Variants in SMYD4 observed in about 807,000 individuals in gnomAD.
The protein encoded by SMYD4 is protein-lysine N-methyltransferase SMYD4.
Under a neutral mutation model 72.8 loss-of-function variants are expected in SMYD4, and 68 were observed. The observed-to-expected ratio is 0.93, with a 90% CI of 0.77 to 1.14. The LOEUF is 1.14. Ranked by LOEUF, SMYD4 falls within the 50% of genes most tolerant of loss-of-function variation. The pLI, the probability that SMYD4 is intolerant of heterozygous loss-of-function variation, is 0.00. For synonymous variants in SMYD4, 407 were observed against 388.6 expected, an observed-to-expected ratio of 1.05 and a Z score of -0.56; for missense variants, 984 against 1,003.7, an observed-to-expected ratio of 0.98 and a Z score of 0.27.
Position 1,783,167 on chromosome 17 carries a change from A to G in SMYD4, c.2138-9T>C. On this transcript the variant is annotated splice_polypyrimidine_tract_variant and intron_variant, in intron 9 of 10. Transcript: ENST00000305513. ...TGACTTTTGCCAGTCTCCTGTGAGA[A>G]GAGAAAAATCTTGTTCCAGAAAAGA... 1 of 1,613,976 alleles carries G rather than the reference A, an allele frequency of 6.2e-7. No homozygotes were observed. The highest frequency in any genetic ancestry group is 1.6e-4 in the Middle Eastern group (1 of 6,062).
chr17:1,794,007 GTA>G (rs373859746), intron 5 of SMYD4, among the ~76,000 whole-genome samples: 22 of 81,236 alleles, frequency 2.7e-4, no homozygotes, highest in Non-Finnish European at 3.9e-4. Flanking sequence ...ATATATATAT[GTA>G]TATATATATA....
rs529981115 is a variant in SMYD4, at chr17:1,812,768, C to T, written c.135-653G>A. On this transcript the variant is annotated intron_variant, in intron 2 of 10. Coordinates refer to ENST00000305513, the MANE Select transcript of SMYD4 (RefSeq NM_052928.3). ...TTCACCATGTTAGCCAGGCTGGTCT[C>T]GAACTCCTGACCTCAAATGGTCCAC... Among the ~76,000 whole-genome samples the T allele has an allele frequency of 2.0e-4, 30 of 151,918 alleles. No individual in the cohort carries two copies. The East Asian group carries it at 5.2e-3, about 26-fold the overall frequency.
At chr17:1,796,861 A>G (rs529655154) in intron 5 of SMYD4, among the ~76,000 whole-genome samples, 12 of 152,360 alleles carry the variant, frequency 7.9e-5, no homozygotes, top group Admixed American at 3.3e-4. Context: ...AAAAAATACA[A>G]GTGAATATAC....
chr17:1,800,289 T>G lies in SMYD4; in HGVS notation c.1105A>C (p.Lys369Gln). ...TTGTTACTAATCTTATCACAAAGCT[T>G]CGTTATGATTTTGCGAACATCCTCA... Reference protein sequence around the residue: ...GFEDVRKIITKLCDKISNKDI... With the variant: ...GFEDVRKIITQLCDKISNKDI... The change falls in exon 5 of 11, where the codon AAG becomes CAG. Residue 369 changes from lysine to glutamine, a missense_variant. Physicochemically the swap from Lys to Gln is moderately conservative, Grantham distance 53. Coordinates refer to ENST00000305513, the MANE Select transcript of SMYD4 (RefSeq NM_052928.3). The G allele has an allele frequency of 6.2e-7, 1 of 1,614,156 alleles. No homozygotes were observed. The highest frequency in any genetic ancestry group is 8.5e-7 in the Non-Finnish European group (1 of 1,180,038).
At chr17:1,783,210 A>G in intron 9 of SMYD4, 52 bp from the exon 10 acceptor site, 1 of 1,613,376 alleles carries the variant, frequency 6.2e-7, no homozygotes, top group African/African-American at 1.3e-5. Flanking sequence ...TCAACTGTGG[A>G]TGCATATTTT....
chr17:1,799,452 C>A (rs1909587986), intron 5 of SMYD4, among the ~76,000 whole-genome samples: 1 of 151,390 alleles, frequency 6.6e-6, no homozygotes, highest in African/African-American at 2.4e-5. Context: ...CATTTGCAAC[C>A]TCCACCTCCC....
intron 7 of SMYD4, 110 bp downstream of exon 7, chr17:1,786,700 A>C (rs2151220252): frequency 7.7e-7 from 1 of 1,306,998 alleles, no homozygotes; most frequent in Non-Finnish European, 1.1e-6. Context: ...AGGTGATATT[A>C]CTGGTCTCAG....
chr17:1,802,174 C>A (rs879653723), intron 4 of SMYD4, among the ~76,000 whole-genome samples: 3 of 152,022 alleles, frequency 2.0e-5, no homozygotes, highest in African/African-American at 7.2e-5. Context: ...AGTATGTGCT[C>A]AATAAATGAT....
At chr17:1,813,071 G>A (rs765914057) in intron 2 of SMYD4, among the ~76,000 whole-genome samples, 126 of 152,022 alleles carry the variant, frequency 8.3e-4, no homozygotes, top group African/African-American at 2.6e-3. Context: ...CCCGAGTAGC[G>A]GGGATTACAG....
chr17:1,815,809 C>G (rs1326984634), intron 2 of SMYD4, among the ~76,000 whole-genome samples: 1 of 151,860 alleles, frequency 6.6e-6, no homozygotes, highest in Non-Finnish European at 1.5e-5. Flanking sequence ...AAGCGATTCT[C>G]CTGCCTCAGC....
In SMYD4 at chr17:1,781,429, G is replaced by A. The variant is rs1387009687; in HGVS notation, c.2272C>T (p.Pro758Ser). The A allele has an allele frequency of 1.2e-6, 2 of 1,613,642 alleles. No individual in the cohort carries two copies. Among genetic ancestry groups the A allele is most frequent in the Non-Finnish European group, 1.7e-6 (2 of 1,179,936 alleles). ...AQIFFNGFAV[P>S]EALSTIQKAE... ...TTCTGTATTGTGCTCAGGGCTTCGGGTACTGCAAACCTGAGCCAAGGGAGG... is the reference window on the plus strand; with the variant it reads ...TTCTGTATTGTGCTCAGGGCTTCGGATACTGCAAACCTGAGCCAAGGGAGG... Residue 758 changes from proline (P) to serine (S), a missense_variant, in exon 11 of 11, where the codon CCC becomes TCC. By Grantham distance (74) the Pro-to-Ser change is moderately conservative. Coordinates refer to ENST00000305513, the MANE Select transcript of SMYD4 (RefSeq NM_052928.3).
chr17:1,828,386 C>G (rs1911320139), intron 1 of SMYD4, among the ~76,000 whole-genome samples: 1 of 150,962 alleles, frequency 6.6e-6, no homozygotes, highest in Admixed American at 6.6e-5. Flanking sequence ...AGATTTCATT[C>G]AAGGAAGCCT....
At chr17:1,812,329 C>T (rs759514846) in intron 2 of SMYD4, among the ~76,000 whole-genome samples, 1 of 152,106 alleles carries the variant, frequency 6.6e-6, no homozygotes, top group Admixed American at 6.6e-5. Context: ...CTCTGTCACC[C>T]AGGCTGGAGT....
At chr17:1,815,397 A>G (rs149305654) in intron 2 of SMYD4, among the ~76,000 whole-genome samples, 2,322 of 151,804 alleles carry the variant, frequency 0.015, 43 homozygotes, top group Non-Finnish European at 0.02. Context: ...ATGATGTCTC[A>G]ATACCTTGCC....
chr17:1,803,559 T>G (rs917563490), intron 4 of SMYD4, among the ~76,000 whole-genome samples: 1 of 152,136 alleles, frequency 6.6e-6, no homozygotes, highest in Non-Finnish European at 1.5e-5. Flanking sequence ...TGGCACGATC[T>G]CAGCTCACTG....
At chr17:1,788,222 C>T (rs1052739573) in intron 5 of SMYD4, among the ~76,000 whole-genome samples, 5 of 152,052 alleles carry the variant, frequency 3.3e-5, no homozygotes, top group Admixed American at 2.0e-4. Context: ...TGTGGTGGTG[C>T]ACACCTGTAG....
chr17:1,820,300 T>A (rs570916030), intron 2 of SMYD4, among the ~76,000 whole-genome samples: 14 of 151,900 alleles, frequency 9.2e-5, no homozygotes, highest in Non-Finnish European at 1.9e-4. Flanking sequence ...AGGACAGTGG[T>A]ACCATCATAG....
chr17:1,820,489 C>T (rs1308829193), intron 2 of SMYD4, among the ~76,000 whole-genome samples: 1 of 152,206 alleles, frequency 6.6e-6, no homozygotes, highest in African/African-American at 2.4e-5. Flanking sequence ...ATCCTCTTGC[C>T]TAAGCCTCCC....
At chr17:1,804,592 C>T (rs758209682) in intron 4 of SMYD4, 34 bp downstream of exon 4, 1 of 1,593,742 alleles carries the variant, frequency 6.3e-7, no homozygotes, top group Non-Finnish European at 8.6e-7. Context: ...CCCTCCGGAT[C>T]CTGTCCTCTC....
Sources: gnomAD v4.1 joint callset for allele counts (sites outside exome capture counted in the v4.1 genomes callset) on GRCh38, gnomAD v4.1.1 for gene constraint, MANE v1.5 for transcripts, NCBI Gene and HGNC (gene_info 2026-07-23, HGNC 2026-07-21) for gene names.